The following DIP2C variants were observed in gnomAD, a reference collection of about 807,000 sequenced individuals.
The protein encoded by DIP2C is disco-interacting protein 2 homolog C.
In DIP2C, 33 loss-of-function variants were observed where a neutral mutation model predicts 192.4. The observed-to-expected ratio is 0.17, with a 90% CI of 0.13 to 0.23. The LOEUF is 0.23. Among genes scored for constraint, DIP2C ranks in the 10% least tolerant of loss-of-function variants. The pLI is 1.00. For missense variants in DIP2C, 1,537 were observed against 2,110.1 expected (o/e 0.73, Z 5.32); for synonymous variants, 979 against 864.1 (o/e 1.13, Z -2.33).
At chr10:534,079 A>G (rs1847564566) in intron 1 of DIP2C, among the ~76,000 whole-genome samples, 1 of 151,738 alleles carries the variant, frequency 6.6e-6, no homozygotes, top group Non-Finnish European at 1.5e-5. Context: ...ACGATGGTCA[A>G]CTGGGACGAG....
intron 31 of DIP2C, among the ~76,000 whole-genome samples, chr10:326,290 C>T (rs1957269628): frequency 6.6e-6 from 1 of 152,176 alleles, no homozygotes; most frequent in Non-Finnish European, 1.5e-5. Context: ...TAGTGGCTAA[C>T]TCCAAGCACC....
intron 1 of DIP2C, among the ~76,000 whole-genome samples, chr10:551,175 C>T (rs945873349): frequency 6.6e-6 from 1 of 152,240 alleles, no homozygotes; most frequent in African/African-American, 2.4e-5. Flanking sequence ...AGCCAGTCCC[C>T]TCCTTGCAGG....
At chr10:600,994 G>A (rs905897512) in intron 1 of DIP2C, among the ~76,000 whole-genome samples, 4 of 152,300 alleles carry the variant, frequency 2.6e-5, no homozygotes, top group African/African-American at 9.6e-5. Context: ...GCCTTGCCAA[G>A]ACTCATGGCA....
intron 1 of DIP2C, among the ~76,000 whole-genome samples, chr10:625,359 A>T (rs1055332001): frequency 1.3e-5 from 2 of 152,158 alleles, no homozygotes; most frequent in Admixed American, 1.3e-4. Flanking sequence ...CATCCTAAAA[A>T]TGGGCAGTTG....
chr10:513,423 G>A (rs1037027842), intron 1 of DIP2C, among the ~76,000 whole-genome samples: 2 of 152,212 alleles, frequency 1.3e-5, no homozygotes, highest in Non-Finnish European at 2.9e-5. Flanking sequence ...CTCATCCACT[G>A]CATGCTGCAG....
intron 32 of DIP2C, among the ~76,000 whole-genome samples, chr10:303,384 C>A (rs1378914505): frequency 6.6e-6 from 1 of 152,156 alleles, no homozygotes; most frequent in Admixed American, 6.5e-5. Flanking sequence ...ATAAATTAAC[C>A]TACATTTACT....
intron 31 of DIP2C, among the ~76,000 whole-genome samples, chr10:321,534 G>GCTCCA (rs1957013375): frequency 5.4e-5 from 6 of 111,024 alleles, no homozygotes; most frequent in African/African-American, 6.1e-5. Flanking sequence ...GGCCTGCGGG[G>GCTCCA]GCTCCAGCGA....
chr10:547,076 T>C (rs950719297), intron 1 of DIP2C, among the ~76,000 whole-genome samples: 46 of 152,300 alleles, frequency 3.0e-4, no homozygotes, highest in African/African-American at 1.0e-3. Flanking sequence ...GCCTCTGAGC[T>C]AAGATAACCA....
At chr10:300,662 GC>G in intron 32 of DIP2C, among the ~76,000 whole-genome samples, 1 of 144,082 alleles carries the variant, frequency 6.9e-6, no homozygotes, top group Non-Finnish European at 1.5e-5. Context: ...CGGAACCCAG[GC>G]GCGGCCCTGA....
chr10:409,151 C>T (rs1276036170), intron 8 of DIP2C, 134 bp from the exon 9 acceptor site: 4 of 751,516 alleles, frequency 5.3e-6, no homozygotes, highest in Middle Eastern at 4.9e-4. Context: ...GAAGTGGGGG[C>T]AGCTGAGCAA....
At chr10:579,355 TGTA>T (rs901096331) in intron 1 of DIP2C, among the ~76,000 whole-genome samples, 44 of 151,758 alleles carry the variant, frequency 2.9e-4, no homozygotes, top group African/African-American at 1.0e-3. Context: ...CACACCCAAA[TGTA>T]GTGTACAAAC....
intron 6 of DIP2C, among the ~76,000 whole-genome samples, chr10:418,576 G>A (rs577438187): frequency 2.3e-4 from 35 of 152,278 alleles, no homozygotes; most frequent in South Asian, 8.3e-4. Flanking sequence ...AGAAGCCCTC[G>A]GCCACAGCCT....
At position 677,341 on chromosome 10, in the gene DIP2C, C is replaced by T. The variant is rs542442799; in HGVS notation, c.85+12153G>A. Among the ~76,000 whole-genome samples, 4 of 152,304 alleles carry T rather than the reference C, an allele frequency of 2.6e-5. No individual in the cohort carries two copies. The South Asian group carries it at 8.3e-4, about 32-fold the overall frequency. Reference sequence around the variant, plus strand: ...CAGCACAATTGAAGCCTTTATTTCTCTGGTTTGGAATAGGTGTGTGTTCAT... The same window carrying T: ...CAGCACAATTGAAGCCTTTATTTCTTTGGTTTGGAATAGGTGTGTGTTCAT... On this transcript the variant is annotated intron_variant, in intron 1 of 36. Transcript: ENST00000280886.
At chr10:368,926 G>A (rs956067470) in intron 18 of DIP2C, among the ~76,000 whole-genome samples, 1 of 152,248 alleles carries the variant, frequency 6.6e-6, no homozygotes, top group African/African-American at 2.4e-5. Context: ...ATGGTAAAGC[G>A]GCTCCTGGGA....
chr10:536,111 G>A (rs566116759), intron 1 of DIP2C, among the ~76,000 whole-genome samples: 2 of 152,248 alleles, frequency 1.3e-5, no homozygotes, highest in East Asian at 3.9e-4. Flanking sequence ...ATCAAGGTGT[G>A]GGCAGGGCCG....
At chr10:507,480 C>A (rs891719315) in intron 1 of DIP2C, among the ~76,000 whole-genome samples, 1 of 150,208 alleles carries the variant, frequency 6.7e-6, no homozygotes, top group African/African-American at 2.5e-5. Context: ...CTTGGTCACT[C>A]GCTGTGCACT....
intron 13 of DIP2C, among the ~76,000 whole-genome samples, chr10:388,096 G>GC (rs1405732123): frequency 1.1e-4 from 17 of 151,976 alleles, no homozygotes; most frequent in African/African-American, 3.6e-4. Context: ...CCCCCTCTCT[G>GC]CCTTTTTCTT....
At position 274,262 on chromosome 10, in the gene DIP2C, G is replaced by C. The variant is rs945213318; in HGVS notation, c.*3063C>G. 3 of 152,090 alleles carry C rather than the reference G, an allele frequency of 2.0e-5. No individual in the cohort carries two copies. 9.4% of individuals were successfully genotyped at this position (152,090 alleles called of 1,614,324 possible). ...AAAAAAAACATTTCACAAAACATTT[G>C]TTGCCATAGGAATTATTTTTAGCAA... On this transcript the variant is annotated 3_prime_UTR_variant, in exon 37 of 37. Coordinates refer to ENST00000280886, the MANE Select transcript of DIP2C (RefSeq NM_014974.3).
In DIP2C at chr10:320,401, G is replaced by C. The variant is rs7921033; in HGVS notation, c.3924+6605C>G. Reference sequence around the variant, plus strand: ...CAGGTGCCTGTAATACCAGCTACTTGGGAGGCTGAGGCAGGAGAATCACTT... The same window carrying C: ...CAGGTGCCTGTAATACCAGCTACTTCGGAGGCTGAGGCAGGAGAATCACTT... On this transcript the variant is annotated intron_variant, in intron 31 of 36. Transcript: ENST00000280886. Among the ~76,000 whole-genome samples the C allele has an allele frequency of 7.4e-3, 1,122 of 152,006 alleles. 13 individuals are homozygous for C. The highest frequency in any genetic ancestry group is 0.026 in the African/African-American group (1,064 of 41,408).
Sources: allele counts gnomAD v4.1 joint callset (sites outside exome capture counted in the v4.1 genomes callset), GRCh38; gene constraint gnomAD v4.1.1; transcripts MANE v1.5; gene names NCBI Gene and HGNC (gene_info 2026-07-23, HGNC 2026-07-21).